The following GTF2IRD1 variants were observed in gnomAD, a reference collection of about 807,000 sequenced individuals.
GTF2IRD1 encodes the protein GTF2I repeat domain containing 1, also known as general transcription factor II-I repeat domain-containing protein 1.
In GTF2IRD1, 26 loss-of-function variants were observed where a neutral mutation model predicts 113.2. That is an observed-to-expected ratio of 0.23 (90% CI 0.17 to 0.32). The LOEUF is 0.32. GTF2IRD1 is among the 10% of genes least tolerant of loss of function. The pLI is 1.00. For synonymous variants in GTF2IRD1, 484 were observed against 529.1 expected (o/e 0.91, Z 1.17); for missense variants, 864 against 1,280.8 (o/e 0.67, Z 4.97).
chr7:74,471,127 T>C (rs1241976690), intron 1 of GTF2IRD1, among the ~76,000 whole-genome samples: 2 of 152,154 alleles, frequency 1.3e-5, no homozygotes, highest in East Asian at 1.9e-4. Flanking sequence ...CATATGATGT[T>C]CTGGAAAATG....
intron 22 of GTF2IRD1, among the ~76,000 whole-genome samples, chr7:74,574,691 G>T (rs1469664597): frequency 1.3e-5 from 2 of 151,100 alleles, no homozygotes; most frequent in Non-Finnish European, 2.9e-5. Flanking sequence ...GAACTCCTGG[G>T]CTCAAGTAAT....
At chr7:74,469,509 T>C (rs1474331313) in intron 1 of GTF2IRD1, among the ~76,000 whole-genome samples, 6 of 152,256 alleles carry the variant, frequency 3.9e-5, no homozygotes, top group African/African-American at 1.4e-4. Context: ...GGGCGTTTCT[T>C]GTAGATGGAA....
At chr7:74,519,216 G>T (rs1414448253) in intron 5 of GTF2IRD1, among the ~76,000 whole-genome samples, 193 bp from the exon 6 acceptor site, 2 of 152,180 alleles carry the variant, frequency 1.3e-5, no homozygotes, top group Admixed American at 6.5e-5. Flanking sequence ...GCCTAGCTCT[G>T]TGGCCCTGGG....
At chr7:74,501,898 C>G (rs1330492312) in intron 1 of GTF2IRD1, among the ~76,000 whole-genome samples, 1 of 152,114 alleles carries the variant, frequency 6.6e-6, no homozygotes, top group Non-Finnish European at 1.5e-5. Flanking sequence ...GTGATCCACC[C>G]ACCTTAGCCT....
At chr7:74,544,606 C>G (rs1174627923) in intron 14 of GTF2IRD1, 149 bp from the exon 15 acceptor site, 8 of 661,364 alleles carry the variant, frequency 1.2e-5, no homozygotes, top group Non-Finnish European at 2.1e-5. Flanking sequence ...TGTATGGAAT[C>G]GGGGTCCCTG....
chr7:74,468,676 C>CTGTG (rs61694825), intron 1 of GTF2IRD1, among the ~76,000 whole-genome samples: 1,803 of 129,386 alleles, frequency 0.014, 24 homozygotes, highest in South Asian at 0.04. Flanking sequence ...AAAAAAAAAA[C>CTGTG]TGTGTGTGTG....
chr7:74,496,324 A>C (rs782057908), intron 1 of GTF2IRD1, among the ~76,000 whole-genome samples: 4 of 96,100 alleles, frequency 4.2e-5, no homozygotes, highest in African/African-American at 8.3e-5. Flanking sequence ...GGGGGTGTGC[A>C]TGGGGGTGTG....
intron 1 of GTF2IRD1, among the ~76,000 whole-genome samples, chr7:74,482,172 G>T (rs1554334755): frequency 6.8e-6 from 1 of 146,370 alleles, no homozygotes; most frequent in Admixed American, 6.8e-5. Context: ...TTGTTTGTTT[G>T]TTTTTTTCTG....
chr7:74,542,780 GC>G (rs1170369354), intron 14 of GTF2IRD1, among the ~76,000 whole-genome samples: 1 of 152,230 alleles, frequency 6.6e-6, no homozygotes, highest in Non-Finnish European at 1.5e-5. Flanking sequence ...GTTTGCAGTG[GC>G]CTTAGAAAAC....
chr7:74,566,352 CTT>C (rs1800316045), intron 22 of GTF2IRD1, among the ~76,000 whole-genome samples: 1 of 149,482 alleles, frequency 6.7e-6, no homozygotes. Flanking sequence ...TCACGTCACA[CTT>C]TTTTTTGAGA....
chr7:74,536,073 TC>T, intron 10 of GTF2IRD1, 93 bp from the exon 11 acceptor site: 1 of 787,588 alleles, frequency 1.3e-6, no homozygotes, highest in Non-Finnish European at 2.2e-6. Flanking sequence ...TCCCCGGGAT[TC>T]CCCCAGCTTC....
In GTF2IRD1 at chr7:74,508,060, C is replaced by A; in HGVS notation, c.-6-15C>A. 1 of 1,598,894 alleles carries A rather than the reference C, an allele frequency of 6.3e-7. No individual in the cohort carries two copies. Reference sequence around the variant, plus strand: ...TGCCTTGTGCCCACCACCACTGCCTCCTCCCTCCCCACAGGCGACCATGGC... The same window carrying A: ...TGCCTTGTGCCCACCACCACTGCCTACTCCCTCCCCACAGGCGACCATGGC... On this transcript the variant is annotated splice_polypyrimidine_tract_variant and intron_variant, in intron 1 of 26. Coordinates refer to ENST00000424337, the MANE Select transcript of GTF2IRD1 (RefSeq NM_005685.4).
chr7:74,535,470 C>G (rs1295153186), intron 10 of GTF2IRD1, among the ~76,000 whole-genome samples: 1 of 152,156 alleles, frequency 6.6e-6, no homozygotes, highest in Non-Finnish European at 1.5e-5. Context: ...TCCAACAATC[C>G]TATGAAGGTG....
chr7:74,561,019 G>A (rs1225588408), intron 22 of GTF2IRD1, among the ~76,000 whole-genome samples: 3 of 152,118 alleles, frequency 2.0e-5, no homozygotes, highest in African/African-American at 4.8e-5. Flanking sequence ...CCTGCGGGGC[G>A]ACATGCCACT....
At chr7:74,496,325 T>TG (rs1482164757) in intron 1 of GTF2IRD1, among the ~76,000 whole-genome samples, 1 of 131,812 alleles carries the variant, frequency 7.6e-6, no homozygotes, top group African/African-American at 2.9e-5. Context: ...GGGGTGTGCA[T>TG]GGGGGTGTGC....
At chr7:74,561,676 C>T (rs1799975250) in intron 22 of GTF2IRD1, among the ~76,000 whole-genome samples, 1 of 151,990 alleles carries the variant, frequency 6.6e-6, no homozygotes, top group Admixed American at 6.6e-5. Flanking sequence ...AGTGTGGCTC[C>T]AGTGGACACC....
chr7:74,524,168 G>A lies in GTF2IRD1; in HGVS notation c.1090+14G>A, dbSNP rs376929698. 3.3e-4 allele frequency: 525 copies of A among 1,580,240 alleles called. No homozygotes were observed. Among genetic ancestry groups the A allele is most frequent in the Admixed American group, 9.6e-4 (56 of 58,624 alleles). ...ACAGCAGATATGGTGAGTGGGCGGC[G>A]CGGCCCGCCGTGTGGCCCCAGCAGC... On this transcript the variant is annotated intron_variant, in intron 8 of 26. Coordinates refer to ENST00000424337, the MANE Select transcript of GTF2IRD1 (RefSeq NM_005685.4).
rs5884948 is a variant in GTF2IRD1, at chr7:74,482,223, CTTTTTTTTTTTT to C, written c.-6-25840_-6-25829del. Among the ~76,000 whole-genome samples, 4 of 107,998 alleles carry C rather than the reference CTTTTTTTTTTTT, an allele frequency of 3.7e-5. No individual in the cohort carries two copies. In the East Asian group the frequency reaches 1.1e-3, roughly 28 times the overall value. 70.9% of individuals were successfully genotyped at this position (107,998 alleles called of 152,430 possible). On this transcript the variant is annotated intron_variant, in intron 1 of 26. Coordinates refer to ENST00000424337, the MANE Select transcript of GTF2IRD1 (RefSeq NM_005685.4). ...TCCCAATACCTGATGTCTCCTAAAA[CTTTTTTTTTTTT>C]TTTTTTTTTTTGAGACGGGCCTCCT...
chr7:74,512,887 A>C lies in GTF2IRD1; in HGVS notation c.181A>C (p.Ser61Arg). 1 of 1,613,986 alleles carries C rather than the reference A, an allele frequency of 6.2e-7. No individual in the cohort carries two copies. Among genetic ancestry groups the C allele is most frequent in the Non-Finnish European group, 8.5e-7 (1 of 1,179,940 alleles). ...GGCCTGTGTCGCCGTGCACGATGAG[A>C]GCGCCTTTGTGGTGGGCACAGAGAA... ...EVACVAVHDE[S>R]AFVVGTEKGR... The change falls in exon 3 of 27, where the codon AGC becomes CGC. Residue 61 changes from serine to arginine, a missense_variant. Transcript: ENST00000424337. This position sits in a 1 kb window ranked among gnomAD's most constrained non-coding sequence, Gnocchi z 4.4.
Sources: allele counts gnomAD v4.1 joint callset (sites outside exome capture counted in the v4.1 genomes callset), GRCh38; gene constraint gnomAD v4.1.1; non-coding constraint Gnocchi (gnomAD v3.1); transcripts MANE v1.5; gene names NCBI Gene and HGNC (gene_info 2026-07-23, HGNC 2026-07-21).